The following TANC2 variants were observed in gnomAD, a reference collection of about 807,000 sequenced individuals.
TANC2 encodes tetratricopeptide repeat, ankyrin repeat and coiled-coil containing 2, also known as protein TANC2.
Under a neutral mutation model 210.5 loss-of-function variants are expected in TANC2, and 26 were observed. The ratio of observed to expected loss-of-function variants is 0.12; its 90% CI spans 0.09 to 0.17. The LOEUF is 0.17. Among genes scored for constraint, TANC2 ranks in the 10% least tolerant of loss-of-function variants. The pLI is 1.00. For missense variants in TANC2, 2,129 were observed against 2,608.9 expected (o/e 0.82, Z 4.01); for synonymous variants, 931 against 967.1 (o/e 0.96, Z 0.69).
chr17:63,084,751 T>C (rs996733034), intron 3 of TANC2, among the ~76,000 whole-genome samples: 7 of 152,164 alleles, frequency 4.6e-5, no homozygotes, highest in African/African-American at 1.7e-4. Context: ...GTTATTTAAA[T>C]GTGTGTTTAC....
chr17:63,038,419 C>A (rs1344691915), intron 2 of TANC2, among the ~76,000 whole-genome samples: 2 of 152,094 alleles, frequency 1.3e-5, no homozygotes, highest in African/African-American at 4.8e-5. Context: ...ATTTTATTTT[C>A]TAATATTTTG....
chr17:63,336,451 A>T (rs2046030645), intron 11 of TANC2, among the ~76,000 whole-genome samples: 1 of 152,226 alleles, frequency 6.6e-6, no homozygotes, highest in African/African-American at 2.4e-5. Context: ...CGCAAGCGTG[A>T]CATTTTTGCT....
rs8078944 is a variant in TANC2 at position 63,129,591 on chromosome 17, G to A, written c.323-21679G>A. ...AAAATACAAAAATTAGCTGGGTGTG[G>A]TGGTGCACACCTGTAGTCCCAGCTA... On this transcript the variant is annotated intron_variant, in intron 4 of 27. Coordinates refer to ENST00000689528, the Ensembl canonical transcript of TANC2. 9.0e-3 allele frequency among the ~76,000 whole-genome samples: 1,376 copies of A among 152,220 alleles called. 19 individuals are homozygous for A. Among genetic ancestry groups the A allele is most frequent in the African/African-American group, 0.031 (1,296 of 41,536 alleles).
At chr17:63,325,893 T>G (rs947329618) in intron 11 of TANC2, among the ~76,000 whole-genome samples, 2 of 152,208 alleles carry the variant, frequency 1.3e-5, no homozygotes, top group African/African-American at 4.8e-5. Flanking sequence ...CTTAGACTGT[T>G]TATGTGTGCC....
chr17:63,138,332 T>TA (rs1225890369), intron 4 of TANC2, among the ~76,000 whole-genome samples: 1 of 152,214 alleles, frequency 6.6e-6, no homozygotes, highest in Non-Finnish European at 1.5e-5. Flanking sequence ...CCTACCCTAA[T>TA]ACGAGGAGAA....
chr17:62,986,858 A>G (rs1476002427), intron 1 of TANC2, among the ~76,000 whole-genome samples: 2 of 151,904 alleles, frequency 1.3e-5, no homozygotes, highest in Non-Finnish European at 1.5e-5. Flanking sequence ...GCTGTTCCTC[A>G]GGCCTGAGGC....
chr17:62,998,664 G>A (rs1055243841), intron 1 of TANC2, among the ~76,000 whole-genome samples: 18 of 152,194 alleles, frequency 1.2e-4, no homozygotes, highest in African/African-American at 4.1e-4. Context: ...AGCTTCATAA[G>A]TGAAGGAGAA....
chr17:63,273,979 C>T (rs539812371), intron 9 of TANC2, among the ~76,000 whole-genome samples: 1 of 152,278 alleles, frequency 6.6e-6, no homozygotes, highest in Non-Finnish European at 1.5e-5. Flanking sequence ...AGCTTTATGC[C>T]TCAAGGTCCA....
intron 11 of TANC2, among the ~76,000 whole-genome samples, chr17:63,322,466 C>T (rs1249078974): frequency 1.3e-5 from 2 of 152,182 alleles, no homozygotes; most frequent in Non-Finnish European, 2.9e-5. Flanking sequence ...CCACTGCACT[C>T]CAGCCTGGGC....
At chr17:63,050,998 A>G (rs1386013420) in intron 2 of TANC2, among the ~76,000 whole-genome samples, 2 of 152,180 alleles carry the variant, frequency 1.3e-5, no homozygotes, top group Admixed American at 1.3e-4. Flanking sequence ...AGCTTATGGC[A>G]GTGATCTCTT....
At chr17:62,998,242 A>G (rs1001052792) in intron 1 of TANC2, among the ~76,000 whole-genome samples, 1 of 152,250 alleles carries the variant, frequency 6.6e-6, no homozygotes, top group East Asian at 1.9e-4. Flanking sequence ...AAGAATGAAC[A>G]GAATCTCTGA....
intron 4 of TANC2, among the ~76,000 whole-genome samples, chr17:63,118,836 G>C (rs976265824): frequency 6.1e-5 from 9 of 146,422 alleles, no homozygotes; most frequent in African/African-American, 2.3e-4. Context: ...CTGGAGTGTA[G>C]TGGTGCGAAC....
In TANC2 at chr17:62,969,082, G is replaced by A. The variant is rs183795204; in HGVS notation, c.-24+2333G>A. Reference sequence around the variant, plus strand: ...GCATCCCATGAATACTGTATTGCTTGAAAAAAATCTGCATAGGAGTAGACC... The same window carrying A: ...GCATCCCATGAATACTGTATTGCTTAAAAAAAATCTGCATAGGAGTAGACC... On this transcript the variant is annotated intron_variant, in intron 1 of 27. Coordinates refer to ENST00000689528, the Ensembl canonical transcript of TANC2. Among the ~76,000 whole-genome samples, 20 of 152,074 alleles carry A rather than the reference G, an allele frequency of 1.3e-4. No individual in the cohort carries two copies. In the East Asian group the frequency reaches 3.5e-3, roughly 26 times the overall value.
At chr17:63,073,248 A>T (rs1167866521) in intron 2 of TANC2, among the ~76,000 whole-genome samples, 1 of 152,048 alleles carries the variant, frequency 6.6e-6, no homozygotes. Context: ...ATTTTAATGA[A>T]TTTATGATGC....
intron 2 of TANC2, among the ~76,000 whole-genome samples, chr17:63,071,877 G>A (rs116841844): frequency 0.02 from 3,085 of 152,174 alleles, 42 homozygotes; most frequent in South Asian, 0.037. Flanking sequence ...ATAAATTTGG[G>A]TAGAAATTAG....
intron 4 of TANC2, among the ~76,000 whole-genome samples, chr17:63,123,372 G>A (rs1045883250): frequency 2.0e-5 from 3 of 151,934 alleles, no homozygotes; most frequent in Admixed American, 6.6e-5. Flanking sequence ...ACTGGCTGGC[G>A]CAGTGGAATC....
Position 63,373,869 on chromosome 17 carries a change from T to C in TANC2, c.2583-5849T>C, listed in dbSNP as rs542465376. On this transcript the variant is annotated intron_variant, in intron 14 of 27. Transcript: ENST00000689528. Reference sequence around the variant, plus strand: ...GGTGGTGCACGCCCATAATCCCAGCTACTTGGGAGGCTGAGGCAGGAGAAT... The same window carrying C: ...GGTGGTGCACGCCCATAATCCCAGCCACTTGGGAGGCTGAGGCAGGAGAAT... 2.6e-5 allele frequency among the ~76,000 whole-genome samples: 4 copies of C among 152,052 alleles called. No individual in the cohort carries two copies. The East Asian group carries it at 5.8e-4, about 22-fold the overall frequency.
At position 63,342,225 on chromosome 17, in the gene TANC2, TA is replaced by T. The variant is rs139523414; in HGVS notation, c.1807+1894del. Reference sequence around the variant, plus strand: ...ATAATGTATAACAAGAATTTAAAATTATTATTATTAATATTTATTAAATATT... The same window carrying T: ...ATAATGTATAACAAGAATTTAAAATTTTATTATTAATATTTATTAAATATT... On this transcript the variant is annotated intron_variant, in intron 12 of 27. Transcript: ENST00000689528. 7.6e-3 allele frequency among the ~76,000 whole-genome samples: 1,155 copies of T among 151,888 alleles called. 14 individuals are homozygous for T. Among genetic ancestry groups the T allele is most frequent in the African/African-American group, 0.025 (1,054 of 41,494 alleles).
At chr17:63,355,531 C>T in intron 14 of TANC2, 141 bp downstream of exon 14, 1 of 954,450 alleles carries the variant, frequency 1.0e-6, no homozygotes, top group Non-Finnish European at 1.5e-6. Context: ...CAAGGCAAGG[C>T]TATAATGAGG....
Sources: allele counts gnomAD v4.1 joint callset (sites outside exome capture counted in the v4.1 genomes callset), GRCh38; gene constraint gnomAD v4.1.1; transcripts MANE v1.5; gene names NCBI Gene and HGNC (gene_info 2026-07-23, HGNC 2026-07-21).